TBXAS1: variants seen among roughly 807,000 people sequenced by gnomAD.
The protein encoded by TBXAS1 is thromboxane-A synthase.
A neutral mutation model predicts 60.7 loss-of-function variants in TBXAS1; 48 were observed. That is an observed-to-expected ratio of 0.79 (90% CI 0.63 to 1.01). The LOEUF is 1.01. TBXAS1 is among the 50% of genes least tolerant of loss of function. The pLI is 0.00. For missense variants in TBXAS1, 685 were observed against 686.3 expected (o/e 1.00, Z 0.02); for synonymous variants, 287 against 269.7 (o/e 1.06, Z -0.63).
chr7:139,904,472 A>C (rs1804818317), intron 3 of TBXAS1, among the ~76,000 whole-genome samples: 1 of 152,100 alleles, frequency 6.6e-6, no homozygotes, highest in East Asian at 1.9e-4. Context: ...CTTTTTTCTA[A>C]TTCTGTGAAG....
intron 4 of TBXAS1, among the ~76,000 whole-genome samples, chr7:139,809,224 A>T (rs1326978495): frequency 1.5e-5 from 2 of 133,596 alleles, no homozygotes; most frequent in African/African-American, 3.1e-5. Flanking sequence ...AGATAGATAG[A>T]TAGATAGATG....
At chr7:139,787,014 T>C (rs2117235769) in intron 3 of TBXAS1, among the ~76,000 whole-genome samples, 1 of 152,328 alleles carries the variant, frequency 6.6e-6, no homozygotes, top group East Asian at 1.9e-4. Flanking sequence ...TTAGCAAGGA[T>C]CCCATTACCT....
At chr7:139,954,345 T>C (rs1437144995) in intron 6 of TBXAS1, among the ~76,000 whole-genome samples, 2 of 152,362 alleles carry the variant, frequency 1.3e-5, no homozygotes, top group South Asian at 2.1e-4. Context: ...GGTGGCCTCA[T>C]CAGCTATAAA....
intron 3 of TBXAS1, among the ~76,000 whole-genome samples, chr7:139,909,733 T>C (rs531270870): frequency 6.6e-6 from 1 of 152,358 alleles, no homozygotes; most frequent in South Asian, 2.1e-4. Flanking sequence ...TAGAGTAAAA[T>C]TGGCTGCTTT....
At chr7:139,957,081 C>T (rs1005294060) in intron 7 of TBXAS1, among the ~76,000 whole-genome samples, 5 of 152,226 alleles carry the variant, frequency 3.3e-5, no homozygotes, top group African/African-American at 1.2e-4. Flanking sequence ...AGCAAGGGCC[C>T]ATGCTGCACC....
At chr7:139,853,419 C>T (rs1442170338) in intron 1 of TBXAS1, among the ~76,000 whole-genome samples, 2 of 152,232 alleles carry the variant, frequency 1.3e-5, no homozygotes, top group African/African-American at 4.8e-5. Flanking sequence ...CTCAGCTGTG[C>T]TACTCACTAG....
chr7:139,805,138 A>G (rs1797816704), intron 4 of TBXAS1, among the ~76,000 whole-genome samples: 1 of 152,256 alleles, frequency 6.6e-6, no homozygotes, highest in Non-Finnish European at 1.5e-5. Context: ...AGCAATCCTG[A>G]TCACAGCCAT....
In TBXAS1 at chr7:139,935,165, C is replaced by A. The variant is rs546105658; in HGVS notation, c.334-1026C>A. 3.9e-5 allele frequency among the ~76,000 whole-genome samples: 6 copies of A among 152,330 alleles called. No individual in the cohort carries two copies. In the East Asian group the frequency reaches 7.7e-4, roughly 20 times the overall value. On this transcript the variant is annotated intron_variant, in intron 4 of 12. Coordinates refer to ENST00000448866, the MANE Select transcript of TBXAS1 (RefSeq NM_001061.7). The stretch of plus-strand genomic sequence containing the variant: ...TCCAAATACAGCCATCCCTCAGTAG[C>A]TCGTGGGATAGGTTCCGGGACCCAC...
intron 9 of TBXAS1, among the ~76,000 whole-genome samples, chr7:140,001,477 T>C (rs10274216): frequency 0.013 from 1,935 of 152,240 alleles, 52 homozygotes; most frequent in African/African-American, 0.041. Context: ...CCGCAACCTC[T>C]ACCTCCCAGG....
Position 140,004,726 on chromosome 7 carries a change from T to C in TBXAS1, c.1135-2365T>C, listed in dbSNP as rs930153607. Among the ~76,000 whole-genome samples the C allele has an allele frequency of 7.2e-5, 11 of 152,106 alleles. No individual in the cohort carries two copies. Among genetic ancestry groups the C allele is most frequent in the African/African-American group, 2.7e-4 (11 of 41,402 alleles). On this transcript the variant is annotated intron_variant, in intron 9 of 12. Coordinates refer to ENST00000448866, the MANE Select transcript of TBXAS1 (RefSeq NM_001061.7). The surrounding 1 kb of genome is among the most constrained non-coding windows in gnomAD (Gnocchi z 5.1). ...GGATCTAGGGAAATTGGTCCAGCTG[T>C]CTCCCCTTTCCACAGCCTTCCCCAG...
intron 1 of TBXAS1, among the ~76,000 whole-genome samples, chr7:139,831,512 A>C (rs1418822316): frequency 6.6e-6 from 1 of 152,214 alleles, no homozygotes; most frequent in African/African-American, 2.4e-5. Context: ...AGGTGTAGAG[A>C]CACTTGCAGG....
intron 1 of TBXAS1, among the ~76,000 whole-genome samples, chr7:139,848,057 G>A (rs1799937041): frequency 6.6e-6 from 1 of 152,052 alleles, no homozygotes; most frequent in Non-Finnish European, 1.5e-5. Flanking sequence ...TTGGCCTCAA[G>A]TGACCCTCCT....
chr7:139,965,981 TTTCCTGAAAATA>T (rs749820085), intron 9 of TBXAS1, among the ~76,000 whole-genome samples: 2 of 152,162 alleles, frequency 1.3e-5, no homozygotes, highest in East Asian at 3.8e-4. Flanking sequence ...CATTAGATAT[TTTCCTGAAAATA>T]TTCCTGAAAA....
intron 4 of TBXAS1, among the ~76,000 whole-genome samples, chr7:139,796,028 G>A (rs1228780905): frequency 1.3e-5 from 2 of 152,140 alleles, no homozygotes; most frequent in African/African-American, 4.8e-5. Context: ...CAAAAAATAT[G>A]TGTCTAATCT....
chr7:139,808,897 A>C (rs1424952962), intron 4 of TBXAS1, among the ~76,000 whole-genome samples: 1 of 150,796 alleles, frequency 6.6e-6, no homozygotes, highest in Non-Finnish European at 1.5e-5. Context: ...TGTTAGCACT[A>C]TTCTTTTCTC....
chr7:139,905,328 G>A (rs919828680), intron 3 of TBXAS1, among the ~76,000 whole-genome samples: 15 of 152,134 alleles, frequency 9.9e-5, no homozygotes, highest in African/African-American at 3.6e-4. Context: ...ATCATAAGGG[G>A]ATGCTAGATT....
At chr7:139,883,287 C>T (rs1378525166) in intron 3 of TBXAS1, among the ~76,000 whole-genome samples, 1 of 152,230 alleles carries the variant, frequency 6.6e-6, no homozygotes, top group East Asian at 1.9e-4. Flanking sequence ...TAGTGTATTG[C>T]TACAAAGCTT....
At chr7:139,804,212 G>A (rs903569807) in intron 4 of TBXAS1, among the ~76,000 whole-genome samples, 4 of 152,206 alleles carry the variant, frequency 2.6e-5, no homozygotes, top group African/African-American at 9.7e-5. Flanking sequence ...TGTGAGACAT[G>A]GAGTAAAAGG....
At chr7:139,899,969 A>G (rs181858473) in intron 3 of TBXAS1, among the ~76,000 whole-genome samples, 1 of 152,344 alleles carries the variant, frequency 6.6e-6, no homozygotes, top group Non-Finnish European at 1.5e-5. Context: ...TCTTATTCTG[A>G]AAAGTGGATA....
Sources: allele counts gnomAD v4.1 joint callset (sites outside exome capture counted in the v4.1 genomes callset), GRCh38; gene constraint gnomAD v4.1.1; non-coding constraint Gnocchi (gnomAD v3.1); transcripts MANE v1.5; gene names NCBI Gene and HGNC (gene_info 2026-07-23, HGNC 2026-07-21).